CADM2: variants seen among roughly 807,000 people sequenced by gnomAD.
The protein encoded by CADM2 is cell adhesion molecule 2.
CADM2 carries 12 observed loss-of-function variants against 49.8 expected under a neutral mutation model. The observed-to-expected ratio is 0.24, with a 90% CI of 0.15 to 0.39. The LOEUF is 0.39. CADM2 is among the 10% of genes least tolerant of loss of function. The pLI, the probability that CADM2 is intolerant of heterozygous loss-of-function variation, is 1.00. For missense variants in CADM2, 378 were observed against 492.3 expected, an observed-to-expected ratio of 0.77 and a Z score of 2.20; for synonymous variants, 214 against 175.4, an observed-to-expected ratio of 1.22 and a Z score of -1.74.
chr3:85,710,888 C>G (rs747352532), intron 1 of CADM2, among the ~76,000 whole-genome samples: 1 of 152,032 alleles, frequency 6.6e-6, no homozygotes, highest in Non-Finnish European at 1.5e-5. Context: ...GACCTGATAA[C>G]CTTTGATGGT....
chr3:85,433,704 T>G (rs1362230003), intron 1 of CADM2, among the ~76,000 whole-genome samples: 1 of 152,112 alleles, frequency 6.6e-6, no homozygotes, highest in Non-Finnish European at 1.5e-5. Context: ...AATTATAGGT[T>G]GTATAGAAAT....
At chr3:85,095,415 A>G (rs1440922333) in intron 1 of CADM2, among the ~76,000 whole-genome samples, 1 of 152,154 alleles carries the variant, frequency 6.6e-6, no homozygotes, top group East Asian at 1.9e-4. Flanking sequence ...GTAGGCTCAG[A>G]AAGAAACTAT....
At chr3:85,665,294 TTTAA>T (rs1209041646) in intron 1 of CADM2, among the ~76,000 whole-genome samples, 5 of 151,910 alleles carry the variant, frequency 3.3e-5, no homozygotes, top group African/African-American at 4.8e-5. Context: ...GTAAGACGAA[TTTAA>T]TTAATACATC....
chr3:85,227,523 G>A (rs1289223644), intron 1 of CADM2, among the ~76,000 whole-genome samples: 2 of 136,774 alleles, frequency 1.5e-5, no homozygotes, highest in Non-Finnish European at 3.1e-5. Context: ...TTGAGCCTAT[G>A]TATGTCTTTG....
intron 1 of CADM2, among the ~76,000 whole-genome samples, chr3:85,338,952 C>T (rs2045166717): frequency 6.6e-6 from 1 of 151,418 alleles, no homozygotes; most frequent in Non-Finnish European, 1.5e-5. Context: ...ATTCTAAAGA[C>T]TTGTTTCCAC....
Position 86,065,673 on chromosome 3 carries a change from G to A in CADM2, c.1039G>A (p.Val347Ile). The change falls in exon 9 of 10, where the codon GTA (valine) becomes ATA (isoleucine). Residue 347 changes from valine (V) to isoleucine (I), a missense_variant. Transcript: ENST00000383699. ...ALIGGIVAVVVFVTLCSIFLL... is the reference protein window; with the variant it reads ...ALIGGIVAVVIFVTLCSIFLL... ...CATAGGAGGAATAGTGGCTGTAGTT[G>A]TATTTGTCACGCTGTGTTCTATCTT... 6.2e-7 allele frequency: 1 copy of A among 1,614,028 alleles called. No individual in the cohort carries two copies. The highest frequency in any genetic ancestry group is 8.5e-7 in the Non-Finnish European group (1 of 1,179,976).
intron 8 of CADM2, among the ~76,000 whole-genome samples, chr3:85,983,062 C>T (rs2108676070): frequency 6.6e-6 from 1 of 151,848 alleles, no homozygotes; most frequent in African/African-American, 2.4e-5. Context: ...ACTTTTACAA[C>T]TCCTGCTATT....
intron 1 of CADM2, among the ~76,000 whole-genome samples, chr3:85,288,713 G>A (rs1340602987): frequency 6.7e-6 from 1 of 150,138 alleles, no homozygotes; most frequent in African/African-American, 2.4e-5. Flanking sequence ...TGCAGTGTTG[G>A]TGTATATTCC....
chr3:85,042,951 C>T (rs2035500294), intron 1 of CADM2, among the ~76,000 whole-genome samples: 1 of 151,838 alleles, frequency 6.6e-6, no homozygotes, highest in Admixed American at 6.6e-5. Flanking sequence ...AGAGTGAAGA[C>T]CTGAAGAAAT....
intron 3 of CADM2, among the ~76,000 whole-genome samples, chr3:85,863,756 C>A (rs983757454): frequency 1.3e-4 from 20 of 152,158 alleles, no homozygotes; most frequent in African/African-American, 4.8e-4. Context: ...AATGTGCCAC[C>A]AAAAACCCCT....
chr3:86,062,609 C>T (rs148808675), intron 8 of CADM2, among the ~76,000 whole-genome samples: 1 of 151,560 alleles, frequency 6.6e-6, no homozygotes, highest in African/African-American at 2.4e-5. Flanking sequence ...GAAACCCTGT[C>T]TCTACTAAAA....
chr3:85,012,281 A>T (rs2034035302), intron 1 of CADM2, among the ~76,000 whole-genome samples: 1 of 151,054 alleles, frequency 6.6e-6, no homozygotes, highest in Non-Finnish European at 1.5e-5. Context: ...AAGCTTTTCC[A>T]GGTTGCTCAT....
chr3:85,014,054 G>A (rs1053831205), intron 1 of CADM2, among the ~76,000 whole-genome samples: 7 of 142,772 alleles, frequency 4.9e-5, no homozygotes, highest in East Asian at 4.0e-4. Context: ...TTATATATAC[G>A]CAGTGTAATA....
chr3:85,949,485 G>A (rs766701398), intron 7 of CADM2, among the ~76,000 whole-genome samples: 10 of 151,188 alleles, frequency 6.6e-5, no homozygotes, highest in Non-Finnish European at 1.3e-4. Flanking sequence ...AAAAATGTGT[G>A]TTCAAACTAA....
chr3:85,772,132 A>T (rs2070127789), intron 2 of CADM2, among the ~76,000 whole-genome samples: 1 of 151,526 alleles, frequency 6.6e-6, no homozygotes, highest in Non-Finnish European at 1.5e-5. Context: ...GGTTAGCAAG[A>T]TCAGTCCTAA....
rs2038802658 is a variant in CADM2 at position 85,472,326 on chromosome 3, T to G, written c.62-254196T>G. On this transcript the variant is annotated intron_variant, in intron 1 of 9. Transcript: ENST00000383699. ...AAAAATATTTGAATTTTTGCCAAAC[T>G]TTTAAAAAATTATTTTTACTTTCCT... 2.0e-5 allele frequency among the ~76,000 whole-genome samples: 3 copies of G among 152,062 alleles called. No individual in the cohort carries two copies. The South Asian group carries it at 6.2e-4, about 32-fold the overall frequency.
rs1017681832 is a variant in CADM2, at chr3:85,167,599, A to G, written c.61+207931A>G. Among the ~76,000 whole-genome samples, 17 of 152,252 alleles carry G rather than the reference A, an allele frequency of 1.1e-4. No individual in the cohort carries two copies. The East Asian group carries it at 1.5e-3, about 14-fold the overall frequency. On this transcript the variant is annotated intron_variant, in intron 1 of 9. Coordinates refer to ENST00000383699, the MANE Select transcript of CADM2 (RefSeq NM_001167675.2). ...GTGTGAAGAACTGAATTCAAACCCA[A>G]ATTAGCTTAATCTAAAATGAATACC...
intron 2 of CADM2, among the ~76,000 whole-genome samples, chr3:85,752,723 C>A (rs930577623): frequency 2.0e-4 from 30 of 151,868 alleles, no homozygotes; most frequent in African/African-American, 7.0e-4. Context: ...GATTGCCCCA[C>A]TCGTGGAAAG....
intron 1 of CADM2, among the ~76,000 whole-genome samples, chr3:85,666,407 A>T (rs2065569832): frequency 2.0e-5 from 3 of 151,974 alleles, no homozygotes. Context: ...CCTAGCTATA[A>T]GCCTGGTAAG....
Sources: gnomAD v4.1 joint callset for allele counts (sites outside exome capture counted in the v4.1 genomes callset) on GRCh38, gnomAD v4.1.1 for gene constraint, MANE v1.5 for transcripts, NCBI Gene and HGNC (gene_info 2026-07-23, HGNC 2026-07-21) for gene names.